OR56A1: variants seen among roughly 807,000 people sequenced by gnomAD.
OR56A1 encodes the protein olfactory receptor family 56 subfamily A member 1, also known as olfactory receptor 56A1.
For missense variants in OR56A1, 360 were observed against 380.9 expected, an observed-to-expected ratio of 0.94 and a Z score of 0.46; for synonymous variants, 174 against 159.1, an observed-to-expected ratio of 1.09 and a Z score of -0.70.
In OR56A1 at chr11:6,024,456, G is replaced by A. The variant is rs777757422; in HGVS notation, c.*2292C>T. 1.3e-5 allele frequency: 2 copies of A among 152,140 alleles called. No individual in the cohort carries two copies. Among genetic ancestry groups the A allele is most frequent in the Non-Finnish European group, 2.9e-5 (2 of 68,036 alleles). The allele number at this position is 152,140 out of a possible 1,614,324, so 9.4% of individuals were successfully genotyped here. On this transcript the variant is annotated 3_prime_UTR_variant, in exon 2 of 2. Coordinates refer to ENST00000641900, the MANE Select transcript of OR56A1 (RefSeq NM_001388488.1). ...TGAGTTCATTCTGGGCTTGCTTCCG[G>A]GTGAAATCATGGCAGATGCAGGGAA...
chr11:6,027,213 T>C lies in OR56A1; in HGVS notation c.480A>G (p.Ala160=), dbSNP rs780266329. The change falls in exon 2 of 2, where the codon GCA becomes GCG. Residue 160 remains alanine (A), a synonymous_variant. Coordinates refer to ENST00000641900, the MANE Select transcript of OR56A1 (RefSeq NM_001388488.1). ...FIVVRNALLT[A]PIPILTSLLH... ...GCAGGGAAGTGAGGATAGGAATGGG[T>C]GCAGTAAGAAGCGCATTCCGCACCA... The C allele has an allele frequency of 6.2e-7, 1 of 1,614,062 alleles. No individual in the cohort carries two copies. The highest frequency in any genetic ancestry group is 8.5e-7 in the Non-Finnish European group (1 of 1,179,906).
At position 6,020,325 on chromosome 11, in the gene OR56A1, T is replaced by C. The variant is rs573104343; in HGVS notation, c.*6423A>G. 2.0e-4 allele frequency: 30 copies of C among 152,218 alleles called. 1 individual carries two copies. In the South Asian group the frequency reaches 6.2e-3, roughly 32 times the overall value. 9.4% of individuals were successfully genotyped at this position (152,218 alleles called of 1,614,324 possible). On this transcript the variant is annotated 3_prime_UTR_variant, in exon 2 of 2. Coordinates refer to ENST00000641900, the MANE Select transcript of OR56A1 (RefSeq NM_001388488.1). ...TGGTTTCATATGAATTTTAAAATAG[T>C]TTTTTCTAGTTCTGTAAAGAATGTC... is the stretch of plus-strand genomic sequence containing the variant.
chr11:6,031,577 A>G (rs955258622), upstream of OR56A1, among the ~76,000 whole-genome samples: 7 of 152,182 alleles, frequency 4.6e-5, no homozygotes, highest in Non-Finnish European at 1.0e-4. Context: ...ACTTATTGAC[A>G]GATTTGTTTT....
rs1447978924 is a variant in OR56A1, at chr11:6,024,031, T to C, written c.*2717A>G. ...AAATCTGTGGTCCTCTAAACCTCTA[T>C]ACTTAGAACCAGAGCAGAGAGCCAA... is the stretch of plus-strand genomic sequence containing the variant. On this transcript the variant is annotated 3_prime_UTR_variant, in exon 2 of 2. Transcript: ENST00000641900. The C allele has an allele frequency of 6.6e-6, 1 of 152,218 alleles. No homozygotes were observed. The highest frequency in any genetic ancestry group is 6.5e-5 in the Admixed American group (1 of 15,286). 9.4% of individuals were successfully genotyped at this position (152,218 alleles called of 1,614,324 possible).
rs942202087 is a variant in OR56A1, at chr11:6,022,960, A to C, written c.*3788T>G. 2.0e-5 allele frequency: 3 copies of C among 152,172 alleles called. No individual in the cohort carries two copies. The highest frequency in any genetic ancestry group is 4.4e-5 in the Non-Finnish European group (3 of 68,018). The allele number at this position is 152,172 out of a possible 1,614,324, so 9.4% of individuals were successfully genotyped here. On this transcript the variant is annotated 3_prime_UTR_variant, in exon 2 of 2. Coordinates refer to ENST00000641900, the MANE Select transcript of OR56A1 (RefSeq NM_001388488.1). Reference sequence around the variant, plus strand: ...GACTCATGTCAGTGATTTGGTATTGACTTTTAAATGTTGCTGAAGAAAAGA... The same window carrying C: ...GACTCATGTCAGTGATTTGGTATTGCCTTTTAAATGTTGCTGAAGAAAAGA...
upstream of OR56A1, among the ~76,000 whole-genome samples, chr11:6,032,371 C>A (rs1374209428): frequency 6.6e-6 from 1 of 152,036 alleles, no homozygotes; most frequent in Non-Finnish European, 1.5e-5. Context: ...TATCTGTAAA[C>A]CTTAGCATGT....
At chr11:6,029,591 G>A (rs1336010839) in intron 1 of OR56A1, among the ~76,000 whole-genome samples, 1 of 152,036 alleles carries the variant, frequency 6.6e-6, no homozygotes, top group Non-Finnish European at 1.5e-5. Context: ...GTTAAATCTT[G>A]TTGAAACAGT....
rs142432135 is a variant in OR56A1 at position 6,026,989 on chromosome 11, C to G, written c.704G>C (p.Gly235Ala). 1 of 1,613,974 alleles carries G rather than the reference C, an allele frequency of 6.2e-7. No individual in the cohort carries two copies. Among genetic ancestry groups the G allele is most frequent in the East Asian group, 2.2e-5 (1 of 44,856 alleles). The change falls in exon 2 of 2, where the codon GGG (glycine) becomes GCG (alanine). Residue 235 changes from glycine (G) to alanine (A), a missense_variant. Coordinates refer to ENST00000641900, the MANE Select transcript of OR56A1 (RefSeq NM_001388488.1). ...LRAVLRFKAE[G>A]AAVKALSTCG... ...TGTGCTCAGGGCCTTCACTGCCGCC[C>G]CCTCTGCTTTGAATCTAAGCACAGC...
At chr11:6,031,659 A>G (rs145998790), upstream of OR56A1, among the ~76,000 whole-genome samples, 88 of 152,314 alleles carry the variant, frequency 5.8e-4, no homozygotes, top group African/African-American at 2.1e-3. Context: ...TTGCATCACC[A>G]AGATGTAAAA....
At chr11:6,034,151 G>T (rs1197126823), upstream of OR56A1, 1 of 152,176 alleles carries the variant, frequency 6.6e-6, no homozygotes, top group Admixed American at 6.5e-5. Flanking sequence ...GGATCAAAAT[G>T]CATCGAGTTG....
At chr11:6,033,324 T>C (rs1848530185), upstream of OR56A1, among the ~76,000 whole-genome samples, 1 of 151,664 alleles carries the variant, frequency 6.6e-6, no homozygotes, top group Non-Finnish European at 1.5e-5. Flanking sequence ...GAAGTACGTA[T>C]ATAAACATAA....
rs898532213 is a variant in OR56A1, at chr11:6,025,808, TC to T, written c.*939del. 2 of 152,250 alleles carry T rather than the reference TC, an allele frequency of 1.3e-5. No individual in the cohort carries two copies. Among genetic ancestry groups the T allele is most frequent in the Non-Finnish European group, 2.9e-5 (2 of 68,042 alleles). The allele number at this position is 152,250 out of a possible 1,614,324, so 9.4% of individuals were successfully genotyped here. On this transcript the variant is annotated 3_prime_UTR_variant, in exon 2 of 2. Coordinates refer to ENST00000641900, the MANE Select transcript of OR56A1 (RefSeq NM_001388488.1). Reference sequence around the variant, plus strand: ...ATCTGTTACTTGAACCTCCTTTTTTTCATCATTGTCTCCAATACCCACTTAA... The same window carrying T: ...ATCTGTTACTTGAACCTCCTTTTTTTATCATTGTCTCCAATACCCACTTAA...
At position 6,026,576 on chromosome 11, in the gene OR56A1, G is replaced by T; in HGVS notation, c.*172C>A. 1.8e-6 allele frequency: 1 copy of T among 544,972 alleles called. No homozygotes were observed. Among genetic ancestry groups the T allele is most frequent in the Non-Finnish European group, 3.2e-6 (1 of 311,712 alleles). 33.8% of individuals were successfully genotyped at this position (544,972 alleles called of 1,614,324 possible). On this transcript the variant is annotated 3_prime_UTR_variant, in exon 2 of 2. Coordinates refer to ENST00000641900, the MANE Select transcript of OR56A1 (RefSeq NM_001388488.1). Reference sequence around the variant, plus strand: ...CAATAAATACGAGTTTCTTCCCCTTGCCTACCTCCACCTGAACTAGGCAAG... The same window carrying T: ...CAATAAATACGAGTTTCTTCCCCTTTCCTACCTCCACCTGAACTAGGCAAG...
In OR56A1 at chr11:6,026,668, A is replaced by G; in HGVS notation, c.*80T>C. ...TCAGTGCATGCAATAAACACTCACTAACTGACATTTCTCTACTTCGCTGCC... is the reference window on the plus strand; with the variant it reads ...TCAGTGCATGCAATAAACACTCACTGACTGACATTTCTCTACTTCGCTGCC... On this transcript the variant is annotated 3_prime_UTR_variant, in exon 2 of 2. Transcript: ENST00000641900. 1.2e-6 allele frequency: 1 copy of G among 859,234 alleles called. No individual in the cohort carries two copies. The highest frequency in any genetic ancestry group is 1.9e-6 in the Non-Finnish European group (1 of 533,980). The allele number at this position is 859,234 out of a possible 1,614,324, so 53.2% of individuals were successfully genotyped here.
At position 6,027,486 on chromosome 11, in the gene OR56A1, G is replaced by C. The variant is rs200532631; in HGVS notation, c.207C>G (p.Leu69=). 1 of 1,614,182 alleles carries C rather than the reference G, an allele frequency of 6.2e-7. No individual in the cohort carries two copies. The highest frequency in any genetic ancestry group is 1.7e-5 in the Admixed American group (1 of 60,016). ...GGCAGAGCACGATGTCCAGCAGGGA[G>C]AGGAGGCTGAGCAGGTAGTACAGGG... The part of the protein sequence containing the change: ...HQPLYYLLSL[L]SLLDIVLCLT... The change falls in exon 2 of 2, where the codon CTC becomes CTG. Residue 69 remains leucine (L), a synonymous_variant. Transcript: ENST00000641900.
rs1848414387 is a variant in OR56A1 at position 6,023,202 on chromosome 11, G to C, written c.*3546C>G. ...TTGACTTGCCAACTATGAAGAGTTT[G>C]CTTAACTTCAGACGTTGCTGTTTAA... is the stretch of plus-strand genomic sequence containing the variant. On this transcript the variant is annotated 3_prime_UTR_variant, in exon 2 of 2. Coordinates refer to ENST00000641900, the MANE Select transcript of OR56A1 (RefSeq NM_001388488.1). The C allele has an allele frequency of 1.3e-5, 2 of 152,258 alleles. No individual in the cohort carries two copies. Among genetic ancestry groups the C allele is most frequent in the African/African-American group, 2.4e-5 (1 of 41,544 alleles). 9.4% of individuals were successfully genotyped at this position (152,258 alleles called of 1,614,324 possible).
Position 6,024,169 on chromosome 11 carries a change from ATAAG to A in OR56A1, c.*2575_*2578del, listed in dbSNP as rs1848424305. On this transcript the variant is annotated 3_prime_UTR_variant, in exon 2 of 2. Coordinates refer to ENST00000641900, the MANE Select transcript of OR56A1 (RefSeq NM_001388488.1). ...CTCTTCTTTTAGCCAATTCAATATC[ATAAG>A]TAAGGAAATGTTTACTGAGCCCCTC... The A allele has an allele frequency of 6.6e-6, 1 of 152,226 alleles. No individual in the cohort carries two copies. The highest frequency in any genetic ancestry group is 1.9e-4 in the East Asian group (1 of 5,204). 9.4% of individuals were successfully genotyped at this position (152,226 alleles called of 1,614,324 possible).
At chr11:6,028,883 C>A (rs924611380) in intron 1 of OR56A1, among the ~76,000 whole-genome samples, 1 of 151,968 alleles carries the variant, frequency 6.6e-6, no homozygotes, top group Non-Finnish European at 1.5e-5. Context: ...ATGGAATCAA[C>A]CCAAGAGTTC....
upstream of OR56A1, among the ~76,000 whole-genome samples, chr11:6,032,957 A>G (rs1288396663): frequency 1.3e-5 from 2 of 152,064 alleles, no homozygotes; most frequent in South Asian, 4.2e-4. Context: ...CTCATCCCCC[A>G]ACATTCTATT....
Sources: gnomAD v4.1 joint callset for allele counts (sites outside exome capture counted in the v4.1 genomes callset) on GRCh38, gnomAD v4.1.1 for gene constraint, MANE v1.5 for transcripts, NCBI Gene and HGNC (gene_info 2026-07-23, HGNC 2026-07-21) for gene names.